Variants in TMEM132B observed in about 807,000 individuals in gnomAD.
The protein encoded by TMEM132B is transmembrane protein 132B.
Under a neutral mutation model 90.8 loss-of-function variants are expected in TMEM132B, and 18 were observed. That is an observed-to-expected ratio of 0.20 (90% CI 0.14 to 0.29). The LOEUF is 0.29. TMEM132B is among the 10% of genes least tolerant of loss of function. The pLI, the probability that TMEM132B is intolerant of heterozygous loss-of-function variation, is 1.00. For synonymous variants in TMEM132B, 504 were observed against 523.3 expected, an observed-to-expected ratio of 0.96 and a Z score of 0.50; for missense variants, 1,096 against 1,326.8, an observed-to-expected ratio of 0.83 and a Z score of 2.70.
At chr12:125,204,562 A>G (rs111910682) in intron 1 of TMEM132B, among the ~76,000 whole-genome samples, 1 of 2,754 alleles carries the variant, frequency 3.6e-4, no homozygotes, top group Admixed American at 4.4e-3. Flanking sequence ...AATCCTTTCA[A>G]TGAGGGCTCC....
At chr12:125,626,271 T>A (rs1309446414) in intron 5 of TMEM132B, among the ~76,000 whole-genome samples, 1 of 152,218 alleles carries the variant, frequency 6.6e-6, no homozygotes, top group African/African-American at 2.4e-5. Context: ...CCTAGGTGTT[T>A]GTTTCCATTC....
At chr12:125,220,190 G>T (rs1418583836) in intron 1 of TMEM132B, among the ~76,000 whole-genome samples, 1 of 152,164 alleles carries the variant, frequency 6.6e-6, no homozygotes, top group Non-Finnish European at 1.5e-5. Context: ...GTAGCATATT[G>T]CATGCACTGT....
chr12:125,563,026 G>A (rs74980563), intron 4 of TMEM132B, among the ~76,000 whole-genome samples: 42 of 152,088 alleles, frequency 2.8e-4, no homozygotes, highest in Middle Eastern at 6.8e-3. Context: ...TGGCTGGTCA[G>A]TGGAGCAGTC....
chr12:125,594,865 A>G (rs1252482182), intron 5 of TMEM132B, among the ~76,000 whole-genome samples: 1 of 152,204 alleles, frequency 6.6e-6, no homozygotes, highest in Non-Finnish European at 1.5e-5. Context: ...GGGTCTTTAG[A>G]GGAGCAGAAG....
At chr12:125,342,342 A>T (rs992172840) in intron 1 of TMEM132B, among the ~76,000 whole-genome samples, 1 of 152,132 alleles carries the variant, frequency 6.6e-6, no homozygotes, top group Non-Finnish European at 1.5e-5. Context: ...TCCTGCCACC[A>T]TCATTTACTA....
intron 1 of TMEM132B, among the ~76,000 whole-genome samples, chr12:125,291,354 C>T (rs1292345381): frequency 6.6e-6 from 1 of 152,166 alleles, no homozygotes; most frequent in Non-Finnish European, 1.5e-5. Flanking sequence ...CCTGAACTAA[C>T]AAAGTGAGAT....
chr12:125,411,129 T>G (rs1461560842), intron 2 of TMEM132B, among the ~76,000 whole-genome samples: 6 of 10,552 alleles, frequency 5.7e-4, no homozygotes, highest in Non-Finnish European at 9.3e-4. Context: ...TGGAGTGGAG[T>G]GAGTGGAGTG....
At chr12:125,202,102 G>A (rs867171381) in intron 1 of TMEM132B, among the ~76,000 whole-genome samples, 5 of 152,160 alleles carry the variant, frequency 3.3e-5, no homozygotes, top group Non-Finnish European at 7.3e-5. Flanking sequence ...CAATCAGAAC[G>A]TCCCATCTCT....
chr12:125,479,963 A>G (rs1292408847), intron 3 of TMEM132B, among the ~76,000 whole-genome samples: 1 of 152,188 alleles, frequency 6.6e-6, no homozygotes, highest in Non-Finnish European at 1.5e-5. Flanking sequence ...TTCACTCAAA[A>G]CCGCACAACT....
Position 125,246,681 on chromosome 12 carries a change from T to C in TMEM132B, c.67+59815T>C, listed in dbSNP as rs201005691. Among the ~76,000 whole-genome samples, 4 of 152,332 alleles carry C rather than the reference T, an allele frequency of 2.6e-5. No homozygotes were observed. In the East Asian group the frequency reaches 7.7e-4, roughly 29 times the overall value. Reference sequence around the variant, plus strand: ...TCAGAGAACAAACAAATACTGATTTTTCCATTTCGGGCTCTTTTGTGAAGT... The same window carrying C: ...TCAGAGAACAAACAAATACTGATTTCTCCATTTCGGGCTCTTTTGTGAAGT... On this transcript the variant is annotated intron_variant, in intron 1 of 8. Coordinates refer to ENST00000682704, the MANE Select transcript of TMEM132B (RefSeq NM_001366854.1). The surrounding 1 kb of genome is among the most constrained non-coding windows in gnomAD (Gnocchi z 4.2).
intron 5 of TMEM132B, among the ~76,000 whole-genome samples, chr12:125,641,406 G>A (rs1886626532): frequency 1.3e-5 from 2 of 152,310 alleles, no homozygotes; most frequent in Admixed American, 1.3e-4. Flanking sequence ...TCTGGTTTCT[G>A]TATATCTAAT....
chr12:125,642,513 C>G (rs547858424), intron 5 of TMEM132B, among the ~76,000 whole-genome samples: 1 of 152,278 alleles, frequency 6.6e-6, no homozygotes, highest in Non-Finnish European at 1.5e-5. Context: ...CATTAGCTAT[C>G]AGGCCTAATG....
intron 3 of TMEM132B, among the ~76,000 whole-genome samples, chr12:125,417,215 G>A (rs530281836): frequency 6.6e-6 from 1 of 152,126 alleles, no homozygotes; most frequent in South Asian, 2.1e-4. Context: ...AGACTGGAAG[G>A]GGGAGGCGGG....
rs1881362473 is a variant in TMEM132B at position 125,458,788 on chromosome 12, A to T, written c.1106+43111A>T. ...CACTCAGCATCTGAGGACAAATGAG[A>T]GTAGATGTTGGGGTCCTGTACACAA... On this transcript the variant is annotated intron_variant, in intron 3 of 8. Transcript: ENST00000682704. The surrounding 1 kb of genome is among the most constrained non-coding windows in gnomAD (Gnocchi z 4.9). 6.6e-6 allele frequency among the ~76,000 whole-genome samples: 1 copy of T among 152,178 alleles called. No homozygotes were observed. Among genetic ancestry groups the T allele is most frequent in the African/African-American group, 2.4e-5 (1 of 41,456 alleles).
intron 1 of TMEM132B, among the ~76,000 whole-genome samples, chr12:125,300,451 T>C (rs1465725350): frequency 2.0e-5 from 3 of 152,134 alleles, no homozygotes; most frequent in Non-Finnish European, 2.9e-5. Flanking sequence ...CCTTGGCCCC[T>C]GTGTGTGGCC....
Position 125,186,949 on chromosome 12 carries a change from C to G in TMEM132B, c.67+83C>G, listed in dbSNP as rs1281957028. On this transcript the variant is annotated intron_variant, in intron 1 of 8. Transcript: ENST00000682704. This position sits in a 1 kb window ranked among gnomAD's most constrained non-coding sequence, Gnocchi z 6.3. ...ACGGGCGGCTACCTCCTTCTCAAGT[C>G]CCTGGCAGCGCGCATCTCCCGGACT... is the stretch of plus-strand genomic sequence containing the variant. 1 of 152,262 alleles carries G rather than the reference C, an allele frequency of 6.6e-6. No homozygotes were observed. Among genetic ancestry groups the G allele is most frequent in the Non-Finnish European group, 1.5e-5 (1 of 68,088 alleles). 9.4% of individuals were successfully genotyped at this position (152,262 alleles called of 1,614,324 possible).
chr12:125,270,853 A>T (rs1349543392), intron 1 of TMEM132B, among the ~76,000 whole-genome samples: 1 of 152,172 alleles, frequency 6.6e-6, no homozygotes, highest in Non-Finnish European at 1.5e-5. Context: ...TTCTTACAGC[A>T]AGAGCCAGGG....
In TMEM132B at chr12:125,655,218, A is replaced by C. The variant is rs1444033858; in HGVS notation, c.*508A>C. The C allele has an allele frequency of 6.6e-6, 1 of 152,632 alleles. No individual in the cohort carries two copies. The highest frequency in any genetic ancestry group is 1.5e-5 in the Non-Finnish European group (1 of 68,316). 9.5% of individuals were successfully genotyped at this position (152,632 alleles called of 1,614,324 possible). On this transcript the variant is annotated 3_prime_UTR_variant, in exon 9 of 9. Coordinates refer to ENST00000682704, the MANE Select transcript of TMEM132B (RefSeq NM_001366854.1). ...ATTTGCACCTGCACCTGTTCCTTTGACCTCTGGAATTCTTTTTGAAACATG... is the reference window on the plus strand; with the variant it reads ...ATTTGCACCTGCACCTGTTCCTTTGCCCTCTGGAATTCTTTTTGAAACATG...
intron 3 of TMEM132B, among the ~76,000 whole-genome samples, chr12:125,515,471 TCACA>T (rs1443409569): frequency 8.8e-6 from 1 of 113,572 alleles, no homozygotes; most frequent in East Asian, 6.9e-4. Context: ...AGAAACACAT[TCACA>T]CATTGTCACA....
Sources: gnomAD v4.1 joint callset for allele counts (sites outside exome capture counted in the v4.1 genomes callset) on GRCh38, gnomAD v4.1.1 for gene constraint, Gnocchi (gnomAD v3.1) non-coding constraint, MANE v1.5 for transcripts, NCBI Gene and HGNC (gene_info 2026-07-23, HGNC 2026-07-21) for gene names.